Variants in ECPAS observed in about 807,000 individuals in gnomAD.
ECPAS encodes Ecm29 proteasome adaptor and scaffold.
Under a neutral mutation model 255.1 loss-of-function variants are expected in ECPAS, and 70 were observed. That is an observed-to-expected ratio of 0.27 (90% CI 0.23 to 0.33). The LOEUF is 0.33. Among genes scored for constraint, ECPAS ranks in the 10% least tolerant of loss-of-function variants. The pLI is 1.00. For missense variants in ECPAS, 1,817 were observed against 2,206.4 expected, an observed-to-expected ratio of 0.82 and a Z score of 3.54; for synonymous variants, 784 against 775.0, an observed-to-expected ratio of 1.01 and a Z score of -0.19.
rs191324293 is a variant in ECPAS at position 111,480,549 on chromosome 9, C to T, written c.-83+3567G>A. 1.1e-3 allele frequency among the ~76,000 whole-genome samples: 171 copies of T among 152,216 alleles called. 1 individual carries two copies. Among genetic ancestry groups the T allele is most frequent in the African/African-American group, 3.9e-3 (164 of 41,532 alleles). ...CTGACCTCAGGTGATCCACCCATCTCGGCCTCCTAAAGTGCTAGGATTACA... is the reference window on the plus strand; with the variant it reads ...CTGACCTCAGGTGATCCACCCATCTTGGCCTCCTAAAGTGCTAGGATTACA... On this transcript the variant is annotated intron_variant, in intron 1 of 49. Coordinates refer to ENST00000684092, the MANE Select transcript of ECPAS (RefSeq NM_001364929.1).
At chr9:111,473,210 A>G (rs1298603018) in intron 1 of ECPAS, among the ~76,000 whole-genome samples, 1 of 152,220 alleles carries the variant, frequency 6.6e-6, no homozygotes, top group Non-Finnish European at 1.5e-5. Context: ...GAACATGCTA[A>G]TACTTCAAAA....
At chr9:111,371,875 AACTG>A in intron 42 of ECPAS, 46 bp from the exon 43 acceptor site, 1 of 1,520,512 alleles carries the variant, frequency 6.6e-7, no homozygotes, top group Non-Finnish European at 9.0e-7. Context: ...AAGAAAAATT[AACTG>A]ATTTTTCTAA....
intron 3 of ECPAS, among the ~76,000 whole-genome samples, chr9:111,445,898 A>G (rs1564550977): frequency 6.6e-6 from 1 of 151,660 alleles, no homozygotes; most frequent in Non-Finnish European, 1.5e-5. Context: ...TCACTGTTCA[A>G]CTCCCACCTA....
chr9:111,424,792 A>G (rs1411891540), intron 12 of ECPAS, among the ~76,000 whole-genome samples: 1 of 152,276 alleles, frequency 6.6e-6, no homozygotes, highest in Middle Eastern at 3.2e-3. Context: ...TAGGGAAATC[A>G]ACATAAATTT....
intron 5 of ECPAS, among the ~76,000 whole-genome samples, chr9:111,441,211 GAAT>G (rs1314971074): frequency 6.8e-6 from 1 of 146,680 alleles, no homozygotes; most frequent in Non-Finnish European, 1.5e-5. Flanking sequence ...AAAAAAAAAA[GAAT>G]TATTTTCGGT....
In ECPAS at chr9:111,423,227, C is replaced by T; in HGVS notation, c.1237G>A (p.Ala413Thr). 6.4e-7 allele frequency: 1 copy of T among 1,558,834 alleles called. No homozygotes were observed. ...YKEDPKLLSM[A>T]YSAVGKLSSR... The stretch of plus-strand genomic sequence containing the variant: ...GAGAGTTTTCCAACAGCTGAATATG[C>T]CATTGACAGTAGTTTAGGGTCCTTG... The change falls in exon 13 of 50, where the codon GCA becomes ACA. Residue 413 changes from alanine (A) to threonine (T), a missense_variant. This residue lies in a region of ECPAS where 573 missense variants were observed against 716.2 expected (regional missense o/e 0.80). Coordinates refer to ENST00000684092, the MANE Select transcript of ECPAS (RefSeq NM_001364929.1).
At chr9:111,397,541 T>G (rs1432081960) in intron 24 of ECPAS, among the ~76,000 whole-genome samples, 1 of 152,218 alleles carries the variant, frequency 6.6e-6, no homozygotes, top group Non-Finnish European at 1.5e-5. Context: ...TAAACTTCTA[T>G]GAGCCTCAAA....
chr9:111,459,373 G>A (rs1244036745), intron 2 of ECPAS, among the ~76,000 whole-genome samples: 1 of 152,044 alleles, frequency 6.6e-6, no homozygotes, highest in African/African-American at 2.4e-5. Flanking sequence ...TTACAGGTAT[G>A]AGCCATCATA....
intron 5 of ECPAS, 32 bp downstream of exon 5, chr9:111,442,274 G>T: frequency 7.1e-7 from 1 of 1,406,904 alleles, no homozygotes; most frequent in Non-Finnish European, 9.9e-7. Flanking sequence ...GACTCCTGTA[G>T]GAGGGAAATT....
In ECPAS at chr9:111,410,983, T is replaced by C. The variant is rs1564526049; in HGVS notation, c.2374A>G (p.Ile792Val). Residue 792 changes from isoleucine (I) to valine (V), a missense_variant, in exon 22 of 50, where the codon ATA becomes GTA. Ile to Val is a conservative substitution (Grantham distance 29). Transcript: ENST00000684092. ...TCGACATAAAGACATTAATTACCTATTGTTTCTGTAGCACTCTGAATGAGT... is the reference window on the plus strand; with the variant it reads ...TCGACATAAAGACATTAATTACCTACTGTTTCTGTAGCACTCTGAATGAGT... ...EELIQSATET[I>V]GSFLDSTSPL... 1.2e-6 allele frequency: 2 copies of C among 1,612,828 alleles called. No individual in the cohort carries two copies. Among genetic ancestry groups the C allele is most frequent in the South Asian group, 1.1e-5 (1 of 90,960 alleles).
At chr9:111,459,065 G>A (rs966714433) in intron 2 of ECPAS, among the ~76,000 whole-genome samples, 4 of 152,116 alleles carry the variant, frequency 2.6e-5, no homozygotes, top group African/African-American at 9.7e-5. Flanking sequence ...ATATGAAGTC[G>A]ATTCAGTCTA....
At chr9:111,385,915 A>T (rs1273118387) in intron 32 of ECPAS, among the ~76,000 whole-genome samples, 1 of 152,352 alleles carries the variant, frequency 6.6e-6, no homozygotes, top group Non-Finnish European at 1.5e-5. Context: ...AAAGAAAAAT[A>T]ACTAATGTAG....
chr9:111,410,838 C>T (rs2098192939), intron 22 of ECPAS, 142 bp downstream of exon 22: 1 of 906,852 alleles, frequency 1.1e-6, no homozygotes, highest in Admixed American at 2.5e-5. Flanking sequence ...ACTAAAAATA[C>T]ATTATTTATC....
At chr9:111,384,093 A>C (rs1372514822) in intron 34 of ECPAS, among the ~76,000 whole-genome samples, 1 of 152,182 alleles carries the variant, frequency 6.6e-6, no homozygotes, top group Non-Finnish European at 1.5e-5. Context: ...TATGTGACCT[A>C]TGGCAAGGTT....
rs1169810384 is a variant in ECPAS, at chr9:111,385,421, T to C, written c.3549A>G (p.Leu1183=). 2 of 1,570,608 alleles carry C rather than the reference T, an allele frequency of 1.3e-6. No homozygotes were observed. The highest frequency in any genetic ancestry group is 1.7e-4 in the Middle Eastern group (1 of 5,986). The change falls in exon 33 of 50, where the codon TTA becomes TTG. Residue 1183 remains leucine (L), a synonymous_variant. Coordinates refer to ENST00000684092, the MANE Select transcript of ECPAS (RefSeq NM_001364929.1). ...TGTCATCTAAGGGTCTTCCTCTCAA[T>C]AAATCATTCAAAGCTAAACAGCTGA... ...RESSCLALND[L]LRGRPLDDII... is the part of the protein sequence containing the mutation.
At position 111,410,151 on chromosome 9, in the gene ECPAS, T is replaced by C; in HGVS notation, c.2440A>G (p.Ile814Val). Reference sequence around the variant, plus strand: ...ATTGGAAGTGGACCATTTCTGCCAATTTCACCCAGGGCTGTGCAGGCAGCA... The same window carrying C: ...ATTGGAAGTGGACCATTTCTGCCAACTTCACCCAGGGCTGTGCAGGCAGCA... ...AIAACTALGE[I>V]GRNGPLPIPS... The change falls in exon 23 of 50, where the codon ATT becomes GTT. Residue 814 changes from isoleucine to valine, a missense_variant. Ile to Val is a conservative substitution (Grantham distance 29). Transcript: ENST00000684092. 1.9e-6 allele frequency: 3 copies of C among 1,612,878 alleles called. No individual in the cohort carries two copies. Among genetic ancestry groups the C allele is most frequent in the Non-Finnish European group, 2.5e-6 (3 of 1,179,500 alleles).
intron 35 of ECPAS, among the ~76,000 whole-genome samples, chr9:111,380,098 T>A (rs920155333): frequency 6.6e-6 from 1 of 152,230 alleles, no homozygotes; most frequent in African/African-American, 2.4e-5. Context: ...GGAATCACTA[T>A]CAATGGCAGC....
intron 24 of ECPAS, among the ~76,000 whole-genome samples, chr9:111,405,253 A>G (rs554237140): frequency 2.7e-5 from 4 of 149,882 alleles, no homozygotes; most frequent in Non-Finnish European, 5.9e-5. Flanking sequence ...ACCCAAAGAT[A>G]AATCTACTGA....
In ECPAS at chr9:111,366,254, T is replaced by C. The variant is rs750385106; in HGVS notation, c.5293A>G (p.Ile1765Val). 6 of 1,569,374 alleles carry C rather than the reference T, an allele frequency of 3.8e-6. No homozygotes were observed. Among genetic ancestry groups the C allele is most frequent in the Non-Finnish European group, 4.3e-6 (5 of 1,155,314 alleles). Residue 1765 changes from isoleucine (I) to valine (V), a missense_variant, in exon 48 of 50, where the codon ATC (isoleucine) becomes GTC (valine). By Grantham distance (29) the Ile-to-Val change is conservative. This residue lies in a region of ECPAS where 960 missense variants were observed against 1,179.0 expected (regional missense o/e 0.81). Coordinates refer to ENST00000684092, the MANE Select transcript of ECPAS (RefSeq NM_001364929.1). Reference sequence around the variant, plus strand: ...CTACACTCACCTAAAGAATATGTGATTGATTTACAAGTTTCAAGCAGAATT... The same window carrying C: ...CTACACTCACCTAAAGAATATGTGACTGATTTACAAGTTTCAAGCAGAATT... ...AEILLETCKS[I>V]TYSLENKTYS...
Sources: gnomAD v4.1 joint callset for allele counts (sites outside exome capture counted in the v4.1 genomes callset) on GRCh38, gnomAD v4.1.1 for gene constraint, gnomAD v4.1.1 regional missense constraint, MANE v1.5 for transcripts, NCBI Gene and HGNC (gene_info 2026-07-23, HGNC 2026-07-21) for gene names.